The following RPS6KC1 variants were observed in gnomAD, a reference collection of about 807,000 sequenced individuals.
RPS6KC1 encodes the protein inactive ribosomal protein S6 kinase delta-1.
In RPS6KC1, 54 loss-of-function variants were observed where a neutral mutation model predicts 103.8. The observed-to-expected ratio is 0.52, with a 90% confidence interval of 0.42 to 0.65. The LOEUF (loss-of-function observed/expected upper bound fraction) is 0.65. Among genes scored for constraint, RPS6KC1 ranks in the 30% least tolerant of loss-of-function variants. RPS6KC1 has a pLI of 0.00. For missense variants in RPS6KC1, 1,151 were observed against 1,253.8 expected (o/e 0.92, Z 1.24); for synonymous variants, 439 against 438.7 (o/e 1.00, Z -0.01).
At chr1:213,438,780 G>A in the RPS6KC1 span, among the ~76,000 whole-genome samples, 9 of 150,086 alleles carry the variant, frequency 6.0e-5, no homozygotes, top group African/African-American at 2.2e-4. Flanking sequence ...TGTTTCTCTG[G>A]AATCTTGGTT....
At chr1:213,104,182 A>C (rs1409338204) in intron 3 of RPS6KC1, among the ~76,000 whole-genome samples, 1 of 152,136 alleles carries the variant, frequency 6.6e-6, no homozygotes, top group East Asian at 1.9e-4. Flanking sequence ...TTAAATGTCA[A>C]CTTTCTTAAA....
intron 8 of RPS6KC1, among the ~76,000 whole-genome samples, chr1:213,185,395 C>A (rs747041723): frequency 6.6e-6 from 1 of 152,152 alleles, no homozygotes; most frequent in Non-Finnish European, 1.5e-5. Flanking sequence ...CCTGTAATCC[C>A]ACCACTTTGG....
the RPS6KC1 span, among the ~76,000 whole-genome samples, chr1:213,519,086 G>A: frequency 2.6e-5 from 4 of 152,142 alleles, no homozygotes; most frequent in Non-Finnish European, 5.9e-5. Context: ...GCAAGCAAGT[G>A]GGAAAAATAA....
At chr1:213,414,518 G>A in the RPS6KC1 span, among the ~76,000 whole-genome samples, 1 of 152,164 alleles carries the variant, frequency 6.6e-6, no homozygotes. Flanking sequence ...TAGTTGAGGA[G>A]CACCAAGGAT....
intron 4 of RPS6KC1, among the ~76,000 whole-genome samples, chr1:213,104,904 A>G (rs537915151): frequency 1.3e-5 from 2 of 152,224 alleles, no homozygotes; most frequent in Admixed American, 1.3e-4. Context: ...TGGATCTTAA[A>G]AAATTGATGC....
At chr1:213,856,096 C>T in the RPS6KC1 span, among the ~76,000 whole-genome samples, 2 of 152,172 alleles carry the variant, frequency 1.3e-5, no homozygotes, top group Non-Finnish European at 1.5e-5. Context: ...GAAGCTTTCC[C>T]TTGGGGCCTG....
At chr1:213,123,430 G>A (rs1437694046) in intron 5 of RPS6KC1, among the ~76,000 whole-genome samples, 2 of 152,120 alleles carry the variant, frequency 1.3e-5, no homozygotes, top group Non-Finnish European at 2.9e-5. Context: ...AAATCTGTAC[G>A]AGGTATTCTG....
chr1:213,209,695 CAAAAAAAAAAAAAAA>C lies in RPS6KC1; in HGVS notation c.1045-20790_1045-20776del, dbSNP rs60840755. Among the ~76,000 whole-genome samples, 6 of 54,152 alleles carry C rather than the reference CAAAAAAAAAAAAAAA, an allele frequency of 1.1e-4. 1 individual carries two copies. The South Asian group carries it at 7.9e-3, about 71-fold the overall frequency. The allele number at this position is 54,152 out of a possible 152,430, so 35.5% of individuals were successfully genotyped here. ...GGGCAACAAGAGCAAAACTCCGTCT[CAAAAAAAAAAAAAAA>C]AAAAAAAAAAAGGAATAGAAGAATG... On this transcript the variant is annotated intron_variant, in intron 8 of 14. Transcript: ENST00000366960.
At chr1:213,580,254 C>G in the RPS6KC1 span, among the ~76,000 whole-genome samples, 2 of 151,982 alleles carry the variant, frequency 1.3e-5, no homozygotes, top group Non-Finnish European at 2.9e-5. Context: ...GGAGTCAAGA[C>G]TTCAGTGGAG....
chr1:213,568,155 A>G, the RPS6KC1 span, among the ~76,000 whole-genome samples: 7,479 of 152,270 alleles, frequency 0.049, 651 homozygotes, highest in African/African-American at 0.17. Context: ...ATAAATCTGA[A>G]AAATGATGAG....
chr1:213,499,353 C>T, the RPS6KC1 span, among the ~76,000 whole-genome samples: 46 of 152,272 alleles, frequency 3.0e-4, no homozygotes, highest in East Asian at 1.2e-3. Flanking sequence ...CATGGAGCCC[C>T]GGCCCCCAAC....
chr1:213,807,130 A>G, the RPS6KC1 span, among the ~76,000 whole-genome samples: 1 of 151,240 alleles, frequency 6.6e-6, no homozygotes. Flanking sequence ...TGGCTTGTAG[A>G]GTTTCTGCCG....
the RPS6KC1 span, among the ~76,000 whole-genome samples, chr1:213,556,399 C>T: frequency 2.6e-5 from 4 of 152,228 alleles, no homozygotes; most frequent in Admixed American, 1.3e-4. Flanking sequence ...GTGTCTAGTA[C>T]GTAACAAGTA....
chr1:213,140,740 G>GT (rs765119078), intron 6 of RPS6KC1, among the ~76,000 whole-genome samples: 11 of 151,890 alleles, frequency 7.2e-5, no homozygotes, highest in Non-Finnish European at 1.6e-4. Flanking sequence ...CCTTTTGCTA[G>GT]TATTTTATTG....
At chr1:213,575,299 G>T in the RPS6KC1 span, among the ~76,000 whole-genome samples, 1 of 152,200 alleles carries the variant, frequency 6.6e-6, no homozygotes, top group Non-Finnish European at 1.5e-5. Flanking sequence ...CAAGCATGGG[G>T]AGAGGTAGCA....
At position 213,176,389 on chromosome 1, in the gene RPS6KC1, T is replaced by A; in HGVS notation, c.952-11T>A. 6.3e-7 allele frequency: 1 copy of A among 1,581,432 alleles called. No individual in the cohort carries two copies. The highest frequency in any genetic ancestry group is 8.7e-7 in the Non-Finnish European group (1 of 1,155,476). On this transcript the variant is annotated splice_polypyrimidine_tract_variant and intron_variant, in intron 7 of 14. Coordinates refer to ENST00000366960, the MANE Select transcript of RPS6KC1 (RefSeq NM_012424.6). ...CCTGATTGATGTATAATCTTTGATA[T>A]CTTCCATTAGCCTCCAGGATCACTA...
At chr1:213,858,749 A>G in the RPS6KC1 span, among the ~76,000 whole-genome samples, 7 of 152,214 alleles carry the variant, frequency 4.6e-5, no homozygotes. Flanking sequence ...TGGACCCACA[A>G]GATAACATAA....
intron 6 of RPS6KC1, among the ~76,000 whole-genome samples, chr1:213,134,726 T>A (rs1339061976): frequency 6.6e-6 from 1 of 152,138 alleles, no homozygotes; most frequent in Non-Finnish European, 1.5e-5. Flanking sequence ...TTTTTGGCTT[T>A]GGAAATAGAT....
chr1:213,388,258 C>T, the RPS6KC1 span, among the ~76,000 whole-genome samples: 16 of 152,324 alleles, frequency 1.1e-4, no homozygotes, highest in East Asian at 3.9e-4. Context: ...TGCCCTTGGA[C>T]GGGGGAAGTC....
Sources: allele counts gnomAD v4.1 joint callset (sites outside exome capture counted in the v4.1 genomes callset), GRCh38; gene constraint gnomAD v4.1.1; transcripts MANE v1.5; gene names NCBI Gene and HGNC (gene_info 2026-07-23, HGNC 2026-07-21).